BRCA2: variants seen among roughly 807,000 people sequenced by gnomAD.
BRCA2 encodes breast cancer type 2 susceptibility protein.
In BRCA2, 203 loss-of-function variants were observed where a neutral mutation model predicts 276.7. The observed-to-expected ratio is 0.73, with a 90% confidence interval of 0.65 to 0.82. The LOEUF (loss-of-function observed/expected upper bound fraction) is 0.82. BRCA2 is among the 40% of genes least tolerant of loss of function. The pLI, the probability that BRCA2 is intolerant of heterozygous loss-of-function variation, is 0.00. For synonymous variants in BRCA2, 1,289 were observed against 1,338.4 expected (o/e 0.96, Z 0.81); for missense variants, 3,920 against 3,915.0 (o/e 1.00, Z -0.03).
intron 24 of BRCA2, among the ~76,000 whole-genome samples, chr13:32,388,561 A>C (rs1226713126): frequency 6.6e-6 from 1 of 152,170 alleles, no homozygotes; most frequent in East Asian, 1.9e-4. Context: ...GCCTTGCGTT[A>C]GATGATTTTG....
intron 13 of BRCA2, among the ~76,000 whole-genome samples, chr13:32,351,090 T>G (rs2072646624): frequency 6.6e-6 from 1 of 152,216 alleles, no homozygotes; most frequent in Admixed American, 6.5e-5. Flanking sequence ...GAATAAAAGC[T>G]GGCCACCTGA....
intron 18 of BRCA2, among the ~76,000 whole-genome samples, chr13:32,368,819 G>GT (rs3837580): frequency 0.21 from 28,329 of 138,086 alleles, 2,943 homozygotes; most frequent in East Asian, 0.41. Context: ...GGTTTTTTTT[G>GT]TTTTTTTTTT....
chr13:32,392,522 G>A (rs1241711947), intron 24 of BRCA2, among the ~76,000 whole-genome samples: 2 of 151,790 alleles, frequency 1.3e-5, no homozygotes, highest in African/African-American at 2.4e-5. Flanking sequence ...CCCGGGAGGC[G>A]GGGGCTGCGG....
At position 32,344,664 on chromosome 13, in the gene BRCA2, CT is replaced by C. The variant is rs1555285169; in HGVS notation, c.6937+16del. The C allele has an allele frequency of 1.3e-6, 2 of 1,521,300 alleles. No homozygotes were observed. Among genetic ancestry groups the C allele is most frequent in the East Asian group, 2.3e-5 (1 of 44,260 alleles). The allele number at this position is 1,521,300 out of a possible 1,614,324, so 94.2% of individuals were successfully genotyped here. The stretch of plus-strand genomic sequence containing the variant: ...AAAGCACTCCAGATGGTAAAATTAG[CT>C]TTTTATTTATATCTGTTCTCCCTCT... On this transcript the variant is annotated intron_variant, in intron 12 of 26. Transcript: ENST00000380152.
Position 32,333,312 on chromosome 13 carries a change from G to T in BRCA2, c.1834G>T (p.Glu612Ter). 2 of 1,605,958 alleles carry T rather than the reference G, an allele frequency of 1.2e-6. No homozygotes were observed. Among genetic ancestry groups the T allele is most frequent in the Non-Finnish European group, 1.7e-6 (2 of 1,178,076 alleles). ...AAAAATACCGAAAGACCAAAAATCA[G>T]AACTAATTAACTGTTCAGCCCAGTT... The part of the protein sequence containing the change: ...GKKIPKDQKS[E>*]LINCSAQFEA... The change falls in exon 10 of 27, where the codon GAA (glutamate) becomes TAA (stop). Residue 612 changes from glutamate (E) to a stop codon, truncating the protein, a stop_gained. Transcript: ENST00000380152. LOFTEE classifies it high-confidence loss of function.
At chr13:32,342,674 A>C (rs890445627) in intron 11 of BRCA2, among the ~76,000 whole-genome samples, 1 of 152,210 alleles carries the variant, frequency 6.6e-6, no homozygotes, top group African/African-American at 2.4e-5. Flanking sequence ...ACTGTCCTGA[A>C]TACTCTAGGC....
Position 32,398,927 on chromosome 13 carries a change from G to A in BRCA2, c.*157G>A, listed in dbSNP as rs910578325. 3.4e-5 allele frequency: 31 copies of A among 921,864 alleles called. No homozygotes were observed. The highest frequency in any genetic ancestry group is 1.2e-4 in the African/African-American group (7 of 59,186). 57.1% of individuals were successfully genotyped at this position (921,864 alleles called of 1,614,324 possible). ...AGCGTTTGTGTATCGGGCAAAAATC[G>A]TTTTGCCCGATTCCGTATTGGTATA... On this transcript the variant is annotated 3_prime_UTR_variant, in exon 27 of 27. Transcript: ENST00000380152.
intron 14 of BRCA2, among the ~76,000 whole-genome samples, chr13:32,356,047 CT>C (rs761465579): frequency 1.2e-3 from 165 of 141,058 alleles, no homozygotes; most frequent in Admixed American, 1.3e-3. Context: ...AGGGCTTGCG[CT>C]TTTTTTTTTT....
rs777943992 is a variant in BRCA2 at position 32,394,731 on chromosome 13, T to C, written c.9299T>C (p.Leu3100Ser). 1 of 1,613,956 alleles carries C rather than the reference T, an allele frequency of 6.2e-7. No individual in the cohort carries two copies. The highest frequency in any genetic ancestry group is 8.5e-7 in the Non-Finnish European group (1 of 1,179,896). ...FVYLSDECYN[L>S]LAIKFWIDLN... is the part of the protein sequence containing the mutation. ...TATTTGTCAGACGAATGTTACAATT[T>C]ACTGGCAATAAAGTTTTGGATAGAC... The change falls in exon 25 of 27, where the codon TTA becomes TCA. Residue 3100 changes from leucine to serine, a missense_variant. Around this residue, in one of 2 missense-constraint regions of BRCA2, gnomAD observed 657 missense variants for 758.2 expected, o/e 0.87. Coordinates refer to ENST00000380152, the MANE Select transcript of BRCA2 (RefSeq NM_000059.4).
chr13:32,396,426 AAC>A (rs1191757583), intron 25 of BRCA2, among the ~76,000 whole-genome samples: 14 of 152,368 alleles, frequency 9.2e-5, no homozygotes, highest in African/African-American at 3.4e-4. Flanking sequence ...TTTCTCAAGC[AAC>A]AGTTTCATGT....
chr13:32,350,083 G>A (rs139562443), intron 13 of BRCA2, among the ~76,000 whole-genome samples: 1 of 152,246 alleles, frequency 6.6e-6, no homozygotes, highest in East Asian at 1.9e-4. Flanking sequence ...ACTAGTGGAA[G>A]TTTCCATTTA....
chr13:32,339,008 A>C lies in BRCA2; in HGVS notation c.4653A>C (p.Gln1551His). ...AAAACCTTTTTGATGAAAAAGAGCA[A>C]GGTACTAGTGAAATCACCAGTTTTA... ...KVKNLFDEKE[Q>H]GTSEITSFSH... is the part of the protein sequence containing the mutation. The change falls in exon 11 of 27, where the codon CAA (glutamine) becomes CAC (histidine). Residue 1551 changes from glutamine to histidine, a missense_variant. Gln to His is a conservative substitution (Grantham distance 24). This residue lies in a region of BRCA2 where 3,263 missense variants were observed against 3,156.9 expected (regional missense o/e 1.03). Transcript: ENST00000380152. 1 of 1,613,900 alleles carries C rather than the reference A, an allele frequency of 6.2e-7. No individual in the cohort carries two copies. Among genetic ancestry groups the C allele is most frequent in the Non-Finnish European group, 8.5e-7 (1 of 1,179,922 alleles).
chr13:32,375,402 T>C (rs1190612145), intron 20 of BRCA2: 3 of 452,042 alleles, frequency 6.6e-6, no homozygotes, highest in Admixed American at 4.8e-5. Context: ...TGGAATCAAC[T>C]TCTGGTAAAC....
At chr13:32,389,732 T>C (rs938713990) in intron 24 of BRCA2, among the ~76,000 whole-genome samples, 1 of 152,202 alleles carries the variant, frequency 6.6e-6, no homozygotes, top group African/African-American at 2.4e-5. Context: ...TCCTCGACTG[T>C]GTTTCCAGAT....
At chr13:32,346,409 TC>T (rs756706211) in intron 12 of BRCA2, among the ~76,000 whole-genome samples, 6 of 152,078 alleles carry the variant, frequency 3.9e-5, no homozygotes, top group Non-Finnish European at 7.4e-5. Context: ...TGTCAGTGTT[TC>T]CTAGTTTATT....
In BRCA2 at chr13:32,379,760, T is replaced by C. The variant is rs876659529; in HGVS notation, c.8964T>C (p.Ser2988=). 6.2e-7 allele frequency: 1 copy of C among 1,611,486 alleles called. No homozygotes were observed. Among genetic ancestry groups the C allele is most frequent in the South Asian group, 1.1e-5 (1 of 91,022 alleles). ...SKKEKDSVIL[S]IWRPSSDLYS... ...TCTTTCTCCAAACAGTTATACTGAG[T>C]ATTTGGCGTCCATCATCAGATTTAT... Residue 2988 remains serine (S), a synonymous_variant, in exon 23 of 27, where the codon AGT becomes AGC. Coordinates refer to ENST00000380152, the MANE Select transcript of BRCA2 (RefSeq NM_000059.4).
intron 3 of BRCA2, among the ~76,000 whole-genome samples, chr13:32,323,283 G>C (rs1321033988): frequency 6.6e-6 from 1 of 151,622 alleles, no homozygotes; most frequent in East Asian, 1.9e-4. Flanking sequence ...CTCCTGAGTA[G>C]CTGGGACTAC....
In BRCA2 at chr13:32,332,950, C is replaced by G. The variant is rs397507268; in HGVS notation, c.1472C>G (p.Thr491Ser). ...GCAGTAAAGCAGGCAATATCTGGAACTTCTCCAGTGGCTTCTTCATTTCAG... is the reference window on the plus strand; with the variant it reads ...GCAGTAAAGCAGGCAATATCTGGAAGTTCTCCAGTGGCTTCTTCATTTCAG... ...ILAVKQAISG[T>S]SPVASSFQGI... Residue 491 changes from threonine to serine, a missense_variant, in exon 10 of 27, where the codon ACT (threonine) becomes AGT (serine). Around this residue, in one of 2 missense-constraint regions of BRCA2, gnomAD observed 3,263 missense variants for 3,156.9 expected, o/e 1.03. Transcript: ENST00000380152. 4.4e-6 allele frequency: 7 copies of G among 1,604,942 alleles called. No individual in the cohort carries two copies. Among genetic ancestry groups the G allele is most frequent in the Middle Eastern group, 3.3e-4 (2 of 6,022 alleles).
In BRCA2 at chr13:32,332,659, A is replaced by G. The variant is rs56016241; in HGVS notation, c.1181A>G (p.Glu394Gly). The change falls in exon 10 of 27, where the codon GAA becomes GGA. Residue 394 changes from glutamate to glycine, a missense_variant. By Grantham distance (98) the Glu-to-Gly change is moderately conservative. Around this residue, in one of 2 missense-constraint regions of BRCA2, gnomAD observed 3,263 missense variants for 3,156.9 expected, o/e 1.03. Transcript: ENST00000380152. ...SKEVVPSLAC[E>G]WSQLTLSGLN... is the part of the protein sequence containing the mutation. ...GAAGTTGTACCGTCTTTGGCCTGTGAATGGTCTCAACTAACCCTTTCAGGT... is the reference window on the plus strand; with the variant it reads ...GAAGTTGTACCGTCTTTGGCCTGTGGATGGTCTCAACTAACCCTTTCAGGT... 1 of 1,614,144 alleles carries G rather than the reference A, an allele frequency of 6.2e-7. No individual in the cohort carries two copies. The highest frequency in any genetic ancestry group is 8.5e-7 in the Non-Finnish European group (1 of 1,179,986).
Sources: allele counts gnomAD v4.1 joint callset (sites outside exome capture counted in the v4.1 genomes callset), GRCh38; gene constraint gnomAD v4.1.1; regional missense constraint gnomAD v4.1.1; transcripts MANE v1.5; gene names NCBI Gene and HGNC (gene_info 2026-07-23, HGNC 2026-07-21).